FMO4: variants seen among roughly 807,000 people sequenced by gnomAD.
The protein encoded by FMO4 is flavin containing dimethylaniline monoxygenase 4, also known as dimethylaniline monooxygenase [N-oxide-forming] 4.
A neutral mutation model predicts 43.3 loss-of-function variants in FMO4; 38 were observed. The ratio of observed to expected loss-of-function variants is 0.88; its 90% CI spans 0.68 to 1.15. The LOEUF (loss-of-function observed/expected upper bound fraction) is 1.15. Among genes scored for constraint, FMO4 ranks in the 50% most tolerant of loss-of-function variants. FMO4 has a pLI of 0.00. For missense variants in FMO4, 631 were observed against 663.3 expected (o/e 0.95, Z 0.54); for synonymous variants, 224 against 232.2 (o/e 0.96, Z 0.32).
intron 9 of FMO4, among the ~76,000 whole-genome samples, chr1:171,340,226 G>A (rs1250828670): frequency 1.3e-5 from 2 of 152,144 alleles, no homozygotes; most frequent in African/African-American, 2.4e-5. Context: ...TTTCCAGAGG[G>A]CAAGTGGATG....
rs754029948 is a variant in FMO4, at chr1:171,331,731, T to G, written c.576T>G (p.Leu192=). Reference sequence around the variant, plus strand: ...GCAAACGCGTCTTGGTGATTGGTCTTGGGAACACTGGAGGAGACATTGCTG... The same window carrying G: ...GCAAACGCGTCTTGGTGATTGGTCTGGGGAACACTGGAGGAGACATTGCTG... ...FQGKRVLVIG[L]GNTGGDIAVE... The change falls in exon 6 of 10, where the codon CTT becomes CTG. Residue 192 remains leucine, a synonymous_variant. Coordinates refer to ENST00000367749, the MANE Select transcript of FMO4 (RefSeq NM_002022.3). The G allele has an allele frequency of 5.3e-5, 86 of 1,613,858 alleles. No individual in the cohort carries two copies. Among genetic ancestry groups the G allele is most frequent in the Non-Finnish European group, 4.4e-5 (52 of 1,179,922 alleles).
intron 2 of FMO4, among the ~76,000 whole-genome samples, chr1:171,319,479 T>C (rs1024420328): frequency 6.6e-6 from 1 of 152,144 alleles, no homozygotes; most frequent in Non-Finnish European, 1.5e-5. Context: ...TTTCCAGGCT[T>C]GAGGGTGGGG....
At chr1:171,317,810 G>T (rs754580404) in intron 2 of FMO4, among the ~76,000 whole-genome samples, 17 of 152,060 alleles carry the variant, frequency 1.1e-4, no homozygotes, top group Non-Finnish European at 2.1e-4. Flanking sequence ...TTGTTTTATG[G>T]CAAGGCATGA....
rs554960313 is a variant in FMO4 at position 171,318,886 on chromosome 1, T to G, written c.-8-932T>G. Among the ~76,000 whole-genome samples, 40 of 152,338 alleles carry G rather than the reference T, an allele frequency of 2.6e-4. No homozygotes were observed. In the South Asian group the frequency reaches 3.1e-3, roughly 12 times the overall value. On this transcript the variant is annotated intron_variant, in intron 2 of 9. Coordinates refer to ENST00000367749, the MANE Select transcript of FMO4 (RefSeq NM_002022.3). ...GCTACAGGGGTGTGGCTTGTTTGCA[T>G]GTTCAAACCCCTTATGGGAAGGGGA...
chr1:171,327,948 C>A (rs1213894392), intron 5 of FMO4, among the ~76,000 whole-genome samples: 1 of 152,098 alleles, frequency 6.6e-6, no homozygotes, highest in Non-Finnish European at 1.5e-5. Context: ...GTATAAAGTT[C>A]TTAGAAGCCT....
chr1:171,329,463 GGT>G (rs1331459195), intron 5 of FMO4, among the ~76,000 whole-genome samples: 1 of 152,156 alleles, frequency 6.6e-6, no homozygotes, highest in Non-Finnish European at 1.5e-5. Flanking sequence ...CCCTTACGCT[GGT>G]GTCAGACTGG....
At chr1:171,328,119 C>A (rs1305796098) in intron 5 of FMO4, among the ~76,000 whole-genome samples, 2 of 152,090 alleles carry the variant, frequency 1.3e-5, no homozygotes, top group East Asian at 3.9e-4. Flanking sequence ...CAGCTTGCTG[C>A]GACCTCCACC....
chr1:171,326,710 T>C (rs1388805913), intron 5 of FMO4, among the ~76,000 whole-genome samples: 1 of 152,230 alleles, frequency 6.6e-6, no homozygotes, highest in East Asian at 1.9e-4. Context: ...TATGGCTACT[T>C]AATGTCAGTA....
In FMO4 at chr1:171,319,914, G is replaced by T; in HGVS notation, c.89G>T (p.Cys30Phe). 6.2e-7 allele frequency: 1 copy of T among 1,613,890 alleles called. No homozygotes were observed. Among genetic ancestry groups the T allele is most frequent in the South Asian group, 1.1e-5 (1 of 91,072 alleles). Residue 30 changes from cysteine (C) to phenylalanine (F), a missense_variant, in exon 3 of 10, where the codon TGC becomes TTC. Physicochemically the swap from Cys to Phe is radical, Grantham distance 205. Coordinates refer to ENST00000367749, the MANE Select transcript of FMO4 (RefSeq NM_002022.3). ...CCVDEDLEPT[C>F]FERSDDIGGL... ...GTGGATGAGGACCTGGAGCCCACCT[G>T]CTTTGAGAGAAGTGATGACATTGGG...
intron 5 of FMO4, among the ~76,000 whole-genome samples, chr1:171,330,064 A>G (rs1447669538): frequency 2.6e-5 from 4 of 152,256 alleles, no homozygotes; most frequent in African/African-American, 9.6e-5. Flanking sequence ...TATGTTTTTA[A>G]CAAGGCAGGT....
At chr1:171,330,668 C>G (rs1662864747) in intron 5 of FMO4, among the ~76,000 whole-genome samples, 1 of 152,150 alleles carries the variant, frequency 6.6e-6, no homozygotes, top group African/African-American at 2.4e-5. Flanking sequence ...AGACCTGCCC[C>G]CATGATTCAG....
In FMO4 at chr1:171,319,973, C is replaced by G; in HGVS notation, c.132+16C>G. 1 of 1,613,446 alleles carries G rather than the reference C, an allele frequency of 6.2e-7. No individual in the cohort carries two copies. Among genetic ancestry groups the G allele is most frequent in the Non-Finnish European group, 8.5e-7 (1 of 1,179,518 alleles). On this transcript the variant is annotated intron_variant, in intron 3 of 9. Coordinates refer to ENST00000367749, the MANE Select transcript of FMO4 (RefSeq NM_002022.3). ...GAAGTTTACTGTACGTGGTTCATCTCTATCAGTCATGATCTGGCCATTTGC... is the reference window on the plus strand; with the variant it reads ...GAAGTTTACTGTACGTGGTTCATCTGTATCAGTCATGATCTGGCCATTTGC...
At position 171,341,827 on chromosome 1, in the gene FMO4, T is replaced by G. The variant is rs1663389153; in HGVS notation, c.1665T>G (p.Leu555=). The change falls in exon 10 of 10, where the codon CTT becomes CTG. Residue 555 remains leucine (L), a synonymous_variant. Transcript: ENST00000367749. ...QDRMSPYLVS[L]WRG ...GAATGTCCCCTTACCTAGTAAGTCT[T>G]TGGCGAGGATGAACCTGATTGTTAC... 1.2e-6 allele frequency: 2 copies of G among 1,611,022 alleles called. No homozygotes were observed. The highest frequency in any genetic ancestry group is 1.7e-6 in the Non-Finnish European group (2 of 1,178,462).
Position 171,320,803 on chromosome 1 carries a change from C to T in FMO4, c.132+846C>T, listed in dbSNP as rs528370175. Among the ~76,000 whole-genome samples, 10 of 151,920 alleles carry T rather than the reference C, an allele frequency of 6.6e-5. No homozygotes were observed. In the East Asian group the frequency reaches 1.7e-3, roughly 26 times the overall value. On this transcript the variant is annotated intron_variant, in intron 3 of 9. Transcript: ENST00000367749. ...CCAGCATGGGCGGCATAGTGAGACC[C>T]TATCTCTACAAAAAATAAAATGAAA...
chr1:171,331,560 T>C (rs1662900021), intron 5 of FMO4, 80 bp from the exon 6 acceptor site: 1 of 1,414,800 alleles, frequency 7.1e-7, no homozygotes, highest in Admixed American at 1.8e-5. Context: ...GACTTCCCTT[T>C]TTCCACAGAC....
intron 1 of FMO4, among the ~76,000 whole-genome samples, chr1:171,315,299 T>G (rs1662153718): frequency 6.6e-6 from 1 of 152,014 alleles, no homozygotes; most frequent in Non-Finnish European, 1.5e-5. Context: ...CTCAAATAAA[T>G]AAATAAATAA....
intron 5 of FMO4, among the ~76,000 whole-genome samples, chr1:171,324,582 T>A (rs1240003994): frequency 6.6e-6 from 1 of 152,104 alleles, no homozygotes; most frequent in Non-Finnish European, 1.5e-5. Flanking sequence ...ATCAGATCTG[T>A]CATGAAAAAG....
chr1:171,336,039 G>C (rs1002123412), intron 8 of FMO4, among the ~76,000 whole-genome samples: 2 of 152,102 alleles, frequency 1.3e-5, no homozygotes, highest in African/African-American at 2.4e-5. Context: ...CTTCCAAAAA[G>C]CAATCTAGGA....
intron 9 of FMO4, 69 bp downstream of exon 9, chr1:171,337,494 T>C: frequency 9.4e-7 from 1 of 1,066,650 alleles, no homozygotes; most frequent in Non-Finnish European, 1.4e-6. Flanking sequence ...ATTCAGAGTA[T>C]AAAAGCCATT....
Sources: allele counts gnomAD v4.1 joint callset (sites outside exome capture counted in the v4.1 genomes callset), GRCh38; gene constraint gnomAD v4.1.1; transcripts MANE v1.5; gene names NCBI Gene and HGNC (gene_info 2026-07-23, HGNC 2026-07-21).